The following MYO7B variants were observed in gnomAD, a reference collection of about 807,000 sequenced individuals.
MYO7B encodes myosin VIIB.
Under a neutral mutation model 259.7 loss-of-function variants are expected in MYO7B, and 212 were observed. The ratio of observed to expected loss-of-function variants is 0.82; its 90% CI spans 0.73 to 0.91. The LOEUF (loss-of-function observed/expected upper bound fraction) is 0.91, where lower values mean the gene tolerates loss of function less well. MYO7B is among the 40% of genes least tolerant of loss of function. The pLI is 0.00. For synonymous variants in MYO7B, 1,197 were observed against 1,166.4 expected, an observed-to-expected ratio of 1.03 and a Z score of -0.54; for missense variants, 2,732 against 2,813.5, an observed-to-expected ratio of 0.97 and a Z score of 0.66.
At position 127,635,911 on chromosome 2, in the gene MYO7B, C is replaced by T; in HGVS notation, c.6006+4C>T. ...GTCCTCGGAGGAGTGGAAAAAGGTCCCTGGTCGGGCTGGGGAAGGGTTCTT... is the reference window on the plus strand; with the variant it reads ...GTCCTCGGAGGAGTGGAAAAAGGTCTCTGGTCGGGCTGGGGAAGGGTTCTT... On this transcript the variant is annotated splice_donor_region_variant and intron_variant, in intron 44 of 47. Transcript: ENST00000409816. The T allele has an allele frequency of 6.4e-7, 1 of 1,562,970 alleles. No homozygotes were observed. The highest frequency in any genetic ancestry group is 1.2e-5 in the South Asian group (1 of 84,692).
rs759848582 is a variant in MYO7B, at chr2:127,634,677, A to G, written c.5707A>G (p.Lys1903Glu). Residue 1903 changes from lysine to glutamate, a missense_variant, in exon 42 of 48, where the codon AAA (lysine) becomes GAA (glutamate). Around this residue, in one of 3 missense-constraint regions of MYO7B, gnomAD observed 821 missense variants for 769.3 expected, o/e 1.07. Coordinates refer to ENST00000409816, the MANE Select transcript of MYO7B (RefSeq NM_001393586.1). ...CTGGGTGAAGAAGAACAAGCCCCAG[A>G]AAGAAGGTGAGGAGGCCTCTGTGGA... ...SDWVKKNKPQKEGAPVTLPYQ... is the reference protein window; with the variant it reads ...SDWVKKNKPQEEGAPVTLPYQ... 2 of 1,610,092 alleles carry G rather than the reference A, an allele frequency of 1.2e-6. No homozygotes were observed. The highest frequency in any genetic ancestry group is 1.4e-5 in the African/African-American group (1 of 73,358).
rs372993109 is a variant in MYO7B at position 127,573,914 on chromosome 2, C to G, written c.593-6C>G. 6.2e-7 allele frequency: 1 copy of G among 1,614,062 alleles called. No homozygotes were observed. The highest frequency in any genetic ancestry group is 8.5e-7 in the Non-Finnish European group (1 of 1,179,900). ...CCCATCATGGGCATCGCCCGCTTAC[C>G]TTCAGCCTTTGGAAATGCCAAGACA... On this transcript the variant is annotated splice_polypyrimidine_tract_variant and splice_region_variant and intron_variant, in intron 6 of 47. Transcript: ENST00000409816.
chr2:127,588,815 A>ATGGG (rs1260809178), intron 15 of MYO7B, among the ~76,000 whole-genome samples: 2 of 109,988 alleles, frequency 1.8e-5, no homozygotes, highest in African/African-American at 7.1e-5. Flanking sequence ...GGGTGGATGG[A>ATGGG]TGGGTGGGTG....
chr2:127,583,888 C>T (rs760042999), intron 12 of MYO7B, among the ~76,000 whole-genome samples: 4 of 152,180 alleles, frequency 2.6e-5, no homozygotes, highest in Non-Finnish European at 5.9e-5. Context: ...GCTGAGCCTC[C>T]TCGTTTCTTT....
At chr2:127,633,491 C>T (rs1230624011) in intron 40 of MYO7B, 128 bp downstream of exon 40, 12 of 878,196 alleles carry the variant, frequency 1.4e-5, no homozygotes, top group Non-Finnish European at 2.1e-5. Context: ...CCATCCTAAC[C>T]AGTCTCCCGC....
At position 127,612,563 on chromosome 2, in the gene MYO7B, C is replaced by T; in HGVS notation, c.3358C>T (p.His1120Tyr). The change falls in exon 26 of 48, where the codon CAC becomes TAC. Residue 1120 changes from histidine to tyrosine, a missense_variant. Physicochemically the swap from His to Tyr is moderately conservative, Grantham distance 83. Transcript: ENST00000409816. ...DRPMSNLEKVHFIVGYAILRP... is the reference protein window; with the variant it reads ...DRPMSNLEKVYFIVGYAILRP... ...GCCCATGTCCAACCTGGAGAAGGTG[C>T]ACTTCATCGTGGGCTACGCCATCCT... 1 of 1,605,088 alleles carries T rather than the reference C, an allele frequency of 6.2e-7. No homozygotes were observed. Among genetic ancestry groups the T allele is most frequent in the Middle Eastern group, 1.7e-4 (1 of 6,004 alleles).
rs1679485506 is a variant in MYO7B, at chr2:127,589,823, G to A, written c.1855-269G>A. Reference sequence around the variant, plus strand: ...GTGGGTGGATGGGTGCTGGGTAGGTGGAAGGATGGGTGAGTGGGTGGATGG... The same window carrying A: ...GTGGGTGGATGGGTGCTGGGTAGGTAGAAGGATGGGTGAGTGGGTGGATGG... On this transcript the variant is annotated intron_variant, in intron 15 of 47. Coordinates refer to ENST00000409816, the MANE Select transcript of MYO7B (RefSeq NM_001393586.1). 4.0e-5 allele frequency among the ~76,000 whole-genome samples: 5 copies of A among 125,014 alleles called. No individual in the cohort carries two copies. The South Asian group carries it at 1.3e-3, about 31-fold the overall frequency. The allele number at this position is 125,014 out of a possible 152,430, so 82.0% of individuals were successfully genotyped here. A position where few individuals can be genotyped will look rare whatever the true frequency, so the allele number is the denominator to read the frequency against.
intron 35 of MYO7B, 48 bp downstream of exon 35, chr2:127,629,874 G>T: frequency 6.6e-7 from 1 of 1,512,492 alleles, no homozygotes. Flanking sequence ...CGAGGTCAGG[G>T]TGGAGCAGTC....
In MYO7B at chr2:127,607,105, A is replaced by T; in HGVS notation, c.2425-101A>T. Reference sequence around the variant, plus strand: ...ACCGGCCCTTTGCCAAAACAAAACTAACTGTAAATCTATCTTGCACTGCCT... The same window carrying T: ...ACCGGCCCTTTGCCAAAACAAAACTTACTGTAAATCTATCTTGCACTGCCT... On this transcript the variant is annotated intron_variant, in intron 20 of 47. Transcript: ENST00000409816. The surrounding 1 kb of genome is among the most constrained non-coding windows in gnomAD (Gnocchi z 4.4). 8.7e-7 allele frequency: 1 copy of T among 1,155,636 alleles called. No homozygotes were observed. The highest frequency in any genetic ancestry group is 1.2e-6 in the Non-Finnish European group (1 of 827,290). 71.6% of individuals were successfully genotyped at this position (1,155,636 alleles called of 1,614,324 possible). A position where few individuals can be genotyped will look rare whatever the true frequency, so the allele number is the denominator to read the frequency against.
At position 127,559,750 on chromosome 2, in the gene MYO7B, G is replaced by T; in HGVS notation, c.18+10G>T. 1 of 1,613,894 alleles carries T rather than the reference G, an allele frequency of 6.2e-7. No homozygotes were observed. Among genetic ancestry groups the T allele is most frequent in the Non-Finnish European group, 8.5e-7 (1 of 1,179,844 alleles). ...GTCGGGGTTCAGGCTGGTAAGAATT[G>T]TATGATTTGATCTAGGGGTTATTGG... On this transcript the variant is annotated intron_variant, in intron 2 of 47. Coordinates refer to ENST00000409816, the MANE Select transcript of MYO7B (RefSeq NM_001393586.1). This position sits in a 1 kb window ranked among gnomAD's most constrained non-coding sequence, Gnocchi z 4.1.
At position 127,628,304 on chromosome 2, in the gene MYO7B, AG is replaced by A. The variant is rs1225497762; in HGVS notation, c.4461-66del. On this transcript the variant is annotated intron_variant, in intron 33 of 47. Coordinates refer to ENST00000409816, the MANE Select transcript of MYO7B (RefSeq NM_001393586.1). This position sits in a 1 kb window ranked among gnomAD's most constrained non-coding sequence, Gnocchi z 4.8. ...TCAGGACCCCCAACCCCACCTCCCG[AG>A]GCTGTTTAGGGGCTGGATCAGGGGA... is the stretch of plus-strand genomic sequence containing the variant. 6.5e-7 allele frequency: 1 copy of A among 1,539,148 alleles called. No individual in the cohort carries two copies. The highest frequency in any genetic ancestry group is 1.2e-5 in the South Asian group (1 of 84,024).
chr2:127,555,956 C>T (rs1245523289), intron 1 of MYO7B, among the ~76,000 whole-genome samples: 3 of 152,028 alleles, frequency 2.0e-5, no homozygotes, highest in Admixed American at 6.5e-5. Flanking sequence ...TTTTTGTTGA[C>T]TTCTGTCTTG....
At chr2:127,618,826 G>A (rs2248661) in intron 26 of MYO7B, among the ~76,000 whole-genome samples, 51,883 of 152,124 alleles carry the variant, frequency 0.34, 9,189 homozygotes, top group South Asian at 0.54. Context: ...CCTCCCTGGC[G>A]ATGTGGCAGG....
chr2:127,582,052 A>G, intron 11 of MYO7B, 42 bp downstream of exon 11: 1 of 1,611,790 alleles, frequency 6.2e-7, no homozygotes. Flanking sequence ...CCATCTGTTG[A>G]CCACGGCTCT....
rs1363896678 is a variant in MYO7B at position 127,609,604 on chromosome 2, C to T, written c.2913C>T (p.Tyr971=). Residue 971 remains tyrosine, a synonymous_variant, in exon 23 of 48, where the codon TAC becomes TAT. Coordinates refer to ENST00000409816, the MANE Select transcript of MYO7B (RefSeq NM_001393586.1). The surrounding 1 kb of genome is among the most constrained non-coding windows in gnomAD (Gnocchi z 6.9). Reference sequence around the variant, plus strand: ...AGGATGTGGATGGCCTGGCCGAGTACACCTTCCCCAAGTTTGCTGTGACTT... The same window carrying T: ...AGGATGTGGATGGCCTGGCCGAGTATACCTTCCCCAAGTTTGCTGTGACTT... ...PEEDVDGLAE[Y]TFPKFAVTYF... The T allele has an allele frequency of 6.2e-7, 1 of 1,614,040 alleles. No homozygotes were observed. Among genetic ancestry groups the T allele is most frequent in the Admixed American group, 1.7e-5 (1 of 60,030 alleles).
intron 3 of MYO7B, 136 bp downstream of exon 3, chr2:127,564,402 T>C (rs1375416354): frequency 3.3e-6 from 2 of 605,854 alleles, no homozygotes; most frequent in East Asian, 3.1e-5. Context: ...GCAGGACAGA[T>C]CACGGTGGAG....
At chr2:127,549,178 TTCTTTCTCTC>T (rs1322003781) in intron 1 of MYO7B, among the ~76,000 whole-genome samples, 1 of 131,512 alleles carries the variant, frequency 7.6e-6, no homozygotes, top group African/African-American at 2.7e-5. Flanking sequence ...CTTTCTTTCT[TTCTTTCTCTC>T]TTTCTTTCTT....
chr2:127,569,669 G>A (rs1678502941), intron 5 of MYO7B, 120 bp from the exon 6 acceptor site: 5 of 1,306,418 alleles, frequency 3.8e-6, no homozygotes, highest in African/African-American at 3.0e-5. Context: ...TTTCTGCAGG[G>A]GAGAGGCCAT....
At position 127,634,235 on chromosome 2, in the gene MYO7B, G is replaced by A. The variant is rs1028374595; in HGVS notation, c.5571G>A (p.Arg1857=). 1 of 1,595,830 alleles carries A rather than the reference G, an allele frequency of 6.3e-7. No homozygotes were observed. The highest frequency in any genetic ancestry group is 8.5e-7 in the Non-Finnish European group (1 of 1,174,968). Reference sequence around the variant, plus strand: ...ATGTGTGTGACAGCATTGCCACCAGGCTGCAGCTGGCCTCCTGGGAGGGCT... The same window carrying A: ...ATGTGTGTGACAGCATTGCCACCAGACTGCAGCTGGCCTCCTGGGAGGGCT... ...VRDVCDSIAT[R]LQLASWEGCS... Residue 1857 remains arginine, a synonymous_variant, in exon 41 of 48, where the codon AGG becomes AGA. Coordinates refer to ENST00000409816, the MANE Select transcript of MYO7B (RefSeq NM_001393586.1).
Sources: gnomAD v4.1 joint callset for allele counts (sites outside exome capture counted in the v4.1 genomes callset) on GRCh38, gnomAD v4.1.1 for gene constraint, gnomAD v4.1.1 regional missense constraint, Gnocchi (gnomAD v3.1) non-coding constraint, MANE v1.5 for transcripts, NCBI Gene and HGNC (gene_info 2026-07-23, HGNC 2026-07-21) for gene names.